ADARB1: variants seen among roughly 807,000 people sequenced by gnomAD.
ADARB1 encodes the protein adenosine deaminase RNA specific B1, also known as double-stranded RNA-specific editase 1.
In ADARB1, 10 loss-of-function variants were observed where a neutral mutation model predicts 52.4. The ratio of observed to expected loss-of-function variants is 0.19; its 90% confidence interval spans 0.12 to 0.32. The LOEUF is 0.32. Among genes scored for constraint, ADARB1 ranks in the 10% least tolerant of loss-of-function variants. The pLI is 1.00. For synonymous variants in ADARB1, 349 were observed against 371.1 expected (o/e 0.94, Z 0.68); for missense variants, 643 against 922.3 (o/e 0.70, Z 3.92).
intron 2 of ADARB1, among the ~76,000 whole-genome samples, chr21:45,143,580 T>C (rs953958588): frequency 2.0e-5 from 3 of 152,238 alleles, no homozygotes; most frequent in African/African-American, 7.2e-5. Flanking sequence ...CTTGCCACCA[T>C]ATGACTGCCA....
chr21:45,183,462 C>T lies in ADARB1; in HGVS notation c.1348C>T (p.Pro450Ser). ...VQFHLYISTS[P>S]CGDARIFSPH... ...GTTTCATCTGTACATCAGCACCTCT[C>T]CCTGTGGAGATGCCAGAATCTTCTC... Residue 450 changes from proline to serine, a missense_variant, in exon 7 of 11, where the codon CCC (proline) becomes TCC (serine). Coordinates refer to ENST00000348831, the MANE Select transcript of ADARB1 (RefSeq NM_001112.4). 1 of 1,612,816 alleles carries T rather than the reference C, an allele frequency of 6.2e-7. No individual in the cohort carries two copies. Among genetic ancestry groups the T allele is most frequent in the Non-Finnish European group, 8.5e-7 (1 of 1,179,654 alleles).
At position 45,125,171 on chromosome 21, in the gene ADARB1, G is replaced by A. The variant is rs192058320; in HGVS notation, c.-219-3231G>A. 3.1e-3 allele frequency among the ~76,000 whole-genome samples: 477 copies of A among 152,264 alleles called. 3 individuals are homozygous for A. Among genetic ancestry groups the A allele is most frequent in the Middle Eastern group, 0.014 (4 of 294 alleles). On this transcript the variant is annotated intron_variant, in intron 1 of 10. Transcript: ENST00000348831. ...AGCTTTTTGGAATAAAGTTTATAAA[G>A]CCTCTTACTATATTTTTAGTGTTGT...
intron 1 of ADARB1, among the ~76,000 whole-genome samples, chr21:45,102,785 C>G (rs1277523874): frequency 6.6e-6 from 1 of 152,236 alleles, no homozygotes; most frequent in African/African-American, 2.4e-5. Context: ...CAGCACAATT[C>G]CAGATCATCT....
At chr21:45,157,000 A>C (rs1168145892) in intron 2 of ADARB1, among the ~76,000 whole-genome samples, 1 of 152,210 alleles carries the variant, frequency 6.6e-6, no homozygotes, top group Admixed American at 6.5e-5. Flanking sequence ...GGCCCAAGTA[A>C]GGAAAGTTGA....
chr21:45,173,651 CA>C (rs2146130662), intron 3 of ADARB1, among the ~76,000 whole-genome samples: 1 of 150,478 alleles, frequency 6.6e-6, no homozygotes, highest in East Asian at 1.9e-4. Context: ...GCAACAAAGT[CA>C]AAATGTAAGC....
chr21:45,156,582 C>T (rs1372752327), intron 2 of ADARB1, among the ~76,000 whole-genome samples: 1 of 142,862 alleles, frequency 7.0e-6, no homozygotes, highest in East Asian at 2.3e-4. Context: ...CACTCATCAT[C>T]ATCCATCATC....
At chr21:45,190,429 T>G (rs1182233613) in intron 8 of ADARB1, among the ~76,000 whole-genome samples, 3 of 152,226 alleles carry the variant, frequency 2.0e-5, no homozygotes, top group Non-Finnish European at 2.9e-5. Context: ...TTTAGACAGC[T>G]GATAGATGTG....
chr21:45,191,000 A>C (rs6518217), intron 8 of ADARB1, among the ~76,000 whole-genome samples: 25,429 of 152,096 alleles, frequency 0.17, 3,153 homozygotes, highest in African/African-American at 0.35. Flanking sequence ...TTTACAATGG[A>C]CTGGATACTG....
At chr21:45,138,603 G>A (rs530668175) in intron 2 of ADARB1, among the ~76,000 whole-genome samples, 16 of 152,308 alleles carry the variant, frequency 1.1e-4, no homozygotes, top group Non-Finnish European at 1.5e-4. Context: ...CACCAGAACT[G>A]TGTCTTTCTC....
intron 8 of ADARB1, among the ~76,000 whole-genome samples, chr21:45,199,741 A>G: frequency 6.6e-6 from 1 of 152,238 alleles, no homozygotes; most frequent in Non-Finnish European, 1.5e-5. Flanking sequence ...TTTGGAAAAG[A>G]AAAGCCACAT....
chr21:45,189,115 C>T (rs147540695), intron 8 of ADARB1, among the ~76,000 whole-genome samples: 195 of 152,270 alleles, frequency 1.3e-3, no homozygotes, highest in African/African-American at 4.5e-3. Context: ...TCCGACAATA[C>T]ATGGGAATTG....
At chr21:45,075,093 G>C (rs1216895954) in intron 1 of ADARB1, among the ~76,000 whole-genome samples, 1 of 151,654 alleles carries the variant, frequency 6.6e-6, no homozygotes, top group African/African-American at 2.4e-5. Context: ...GCCGCGGGGA[G>C]GGCAGGTGCG....
intron 1 of ADARB1, among the ~76,000 whole-genome samples, chr21:45,102,256 T>A (rs1354207245): frequency 6.6e-6 from 1 of 152,234 alleles, no homozygotes; most frequent in Non-Finnish European, 1.5e-5. Context: ...GGTGTCTGTC[T>A]GTTATCAGCA....
At position 45,204,350 on chromosome 21, in the gene ADARB1, A is replaced by G. The variant is rs2092623656; in HGVS notation, c.1566-205A>G. On this transcript the variant is annotated intron_variant, in intron 8 of 10. Coordinates refer to ENST00000348831, the MANE Select transcript of ADARB1 (RefSeq NM_001112.4). The surrounding 1 kb of genome is among the most constrained non-coding windows in gnomAD (Gnocchi z 4.4). The stretch of plus-strand genomic sequence containing the variant: ...AAAACGTAATGGTAAAAACAAACAC[A>G]GTGTAAAATAACTTTTAAGTAGATT... Among the ~76,000 whole-genome samples, 1 of 152,354 alleles carries G rather than the reference A, an allele frequency of 6.6e-6. No individual in the cohort carries two copies. The highest frequency in any genetic ancestry group is 1.9e-4 in the East Asian group (1 of 5,192).
At chr21:45,084,550 G>A (rs1349228057) in intron 1 of ADARB1, among the ~76,000 whole-genome samples, 2 of 152,166 alleles carry the variant, frequency 1.3e-5, no homozygotes, top group Non-Finnish European at 2.9e-5. Context: ...AGTCTTAGGG[G>A]GACTAGACTG....
chr21:45,113,684 T>TA (rs1392866146), intron 1 of ADARB1, among the ~76,000 whole-genome samples: 8 of 152,100 alleles, frequency 5.3e-5, no homozygotes, highest in Non-Finnish European at 1.2e-4. Flanking sequence ...AGCTCTCTGA[T>TA]ACTTGAGCAG....
At chr21:45,163,282 A>G (rs948312960) in intron 2 of ADARB1, among the ~76,000 whole-genome samples, 1 of 152,242 alleles carries the variant, frequency 6.6e-6, no homozygotes, top group African/African-American at 2.4e-5. Flanking sequence ...TACAGCCCAC[A>G]AGGTCCCAAA....
At chr21:45,159,962 G>A (rs1048970964) in intron 2 of ADARB1, among the ~76,000 whole-genome samples, 4 of 152,234 alleles carry the variant, frequency 2.6e-5, no homozygotes, top group Non-Finnish European at 2.9e-5. Flanking sequence ...ACTTTCAAAA[G>A]TCAACGTATT....
intron 2 of ADARB1, among the ~76,000 whole-genome samples, chr21:45,137,857 G>T (rs1443466750): frequency 6.6e-6 from 1 of 151,958 alleles, no homozygotes; most frequent in African/African-American, 2.4e-5. Flanking sequence ...GGCATGGGAG[G>T]TGGGCACCCC....
Sources: allele counts gnomAD v4.1 joint callset (sites outside exome capture counted in the v4.1 genomes callset), GRCh38; gene constraint gnomAD v4.1.1; non-coding constraint Gnocchi (gnomAD v3.1); transcripts MANE v1.5; gene names NCBI Gene and HGNC (gene_info 2026-07-23, HGNC 2026-07-21).